The following XRCC5 variants were observed in gnomAD, a reference collection of about 807,000 sequenced individuals.
The protein encoded by XRCC5 is X-ray repair cross complementing 5.
XRCC5 carries 12 observed loss-of-function variants against 95.7 expected under a neutral mutation model. The observed-to-expected ratio is 0.13, with a 90% CI of 0.08 to 0.20. The LOEUF (loss-of-function observed/expected upper bound fraction) is 0.20. XRCC5 is among the 10% of genes least tolerant of loss of function. XRCC5 has a pLI of 1.00. For missense variants in XRCC5, 595 were observed against 873.9 expected (o/e 0.68, Z 4.02); for synonymous variants, 281 against 290.3 (o/e 0.97, Z 0.33).
intron 19 of XRCC5, among the ~76,000 whole-genome samples, chr2:216,200,716 G>T (rs933016771): frequency 6.6e-6 from 1 of 152,096 alleles, no homozygotes; most frequent in African/African-American, 2.4e-5. Context: ...CCACTATTCT[G>T]ACTTCTGTCA....
At chr2:216,177,610 A>C (rs1689303164) in intron 16 of XRCC5, among the ~76,000 whole-genome samples, 1 of 152,226 alleles carries the variant, frequency 6.6e-6, no homozygotes, top group South Asian at 2.1e-4. Context: ...CAGAAAGGCG[A>C]TTAATTGTGA....
chr2:216,162,181 C>T (rs1051621776), intron 16 of XRCC5, 133 bp downstream of exon 16: 4 of 844,624 alleles, frequency 4.7e-6, no homozygotes, highest in Admixed American at 2.2e-5. Context: ...TGTGGTTTTC[C>T]CTTGTTAGGG....
chr2:216,188,161 A>G (rs998242146), intron 16 of XRCC5, among the ~76,000 whole-genome samples: 1 of 152,114 alleles, frequency 6.6e-6, no homozygotes, highest in Non-Finnish European at 1.5e-5. Flanking sequence ...ACTTAGGCTA[A>G]TTGTGTTTCC....
At chr2:216,125,581 A>G (rs1696888401) in intron 6 of XRCC5, among the ~76,000 whole-genome samples, 1 of 152,156 alleles carries the variant, frequency 6.6e-6, no homozygotes, top group Admixed American at 6.5e-5. Flanking sequence ...TCATTCATGA[A>G]TGTGCTTTTA....
At chr2:216,131,954 G>A (rs192105900) in intron 9 of XRCC5, among the ~76,000 whole-genome samples, 6 of 152,268 alleles carry the variant, frequency 3.9e-5, no homozygotes, top group African/African-American at 9.6e-5. Context: ...AGGTGTCACC[G>A]TTTGCAGAAA....
rs73060308 is a variant in XRCC5 at position 216,183,271 on chromosome 2, A to G, written c.1835-6954A>G. On this transcript the variant is annotated intron_variant, in intron 16 of 20. Transcript: ENST00000392132. ...GTCTGCAGGAATGGATTCTGACAAT[A>G]AAGACCTTGCATTTACTCTGTTCCT... Among the ~76,000 whole-genome samples the G allele has an allele frequency of 2.1e-3, 314 of 152,342 alleles. 1 individual carries two copies. The highest frequency in any genetic ancestry group is 7.0e-3 in the African/African-American group (290 of 41,580).
At chr2:216,194,807 T>C in intron 18 of XRCC5, 112 bp from the exon 19 acceptor site, 2 of 1,027,182 alleles carry the variant, frequency 1.9e-6, no homozygotes, top group Non-Finnish European at 3.0e-6. Context: ...CCTGTCTCTA[T>C]TTAAAAAAAA....
At chr2:216,115,048 A>G (rs1346297887) in intron 2 of XRCC5, among the ~76,000 whole-genome samples, 2 of 152,170 alleles carry the variant, frequency 1.3e-5, no homozygotes, top group Non-Finnish European at 2.9e-5. Flanking sequence ...GGCGCAGGGC[A>G]CTTGATTTTT....
At chr2:216,124,438 G>A (rs967046034) in intron 6 of XRCC5, among the ~76,000 whole-genome samples, 1 of 152,140 alleles carries the variant, frequency 6.6e-6, no homozygotes, top group Non-Finnish European at 1.5e-5. Context: ...TTGGATGCCC[G>A]TCTTTAGAAT....
At chr2:216,122,628 A>G (rs1696830554) in intron 6 of XRCC5, among the ~76,000 whole-genome samples, 2 of 151,938 alleles carry the variant, frequency 1.3e-5, no homozygotes, top group Admixed American at 1.3e-4. Flanking sequence ...TTAATTATAG[A>G]AAGTGGTCTC....
intron 7 of XRCC5, among the ~76,000 whole-genome samples, chr2:216,126,243 T>C (rs998079027): frequency 6.6e-6 from 1 of 152,226 alleles, no homozygotes; most frequent in Non-Finnish European, 1.5e-5. Context: ...AGAGTTTGAT[T>C]TCCTCCTCTT....
chr2:216,139,351 G>C (rs1697138167), intron 12 of XRCC5, among the ~76,000 whole-genome samples: 2 of 152,100 alleles, frequency 1.3e-5, no homozygotes, highest in Non-Finnish European at 2.9e-5. Flanking sequence ...TCAGAATCTT[G>C]GTGGGAGGCG....
At chr2:216,155,686 G>A (rs1688828079) in intron 14 of XRCC5, among the ~76,000 whole-genome samples, 1 of 152,086 alleles carries the variant, frequency 6.6e-6, no homozygotes, top group Admixed American at 6.6e-5. Flanking sequence ...ACCACTGAAG[G>A]AAAATTAAGA....
chr2:216,110,628 A>C (rs1477657422), intron 1 of XRCC5: 2 of 152,202 alleles, frequency 1.3e-5, no homozygotes, highest in Non-Finnish European at 2.9e-5. Context: ...AGGAACTCAG[A>C]AATATAGACC....
chr2:216,115,820 T>A (rs952356846), intron 2 of XRCC5, among the ~76,000 whole-genome samples: 101 of 152,230 alleles, frequency 6.6e-4, no homozygotes, highest in African/African-American at 2.2e-3. Context: ...ATTTTTTTTT[T>A]AATAAAGTGT....
intron 19 of XRCC5, among the ~76,000 whole-genome samples, chr2:216,197,013 G>A (rs1290798602): frequency 1.3e-5 from 2 of 152,188 alleles, no homozygotes; most frequent in Non-Finnish European, 2.9e-5. Flanking sequence ...TTTGGAAGAA[G>A]TGAGGAGCCA....
intron 9 of XRCC5, among the ~76,000 whole-genome samples, chr2:216,132,088 G>A (rs1357167707): frequency 6.6e-6 from 1 of 152,148 alleles, no homozygotes; most frequent in East Asian, 1.9e-4. Flanking sequence ...AGCTCCTCAA[G>A]GGCAAGATTA....
At chr2:216,187,856 CTCT>C (rs1307300746) in intron 16 of XRCC5, among the ~76,000 whole-genome samples, 36 of 135,956 alleles carry the variant, frequency 2.6e-4, no homozygotes, top group African/African-American at 4.0e-4. Context: ...CTCTCTCTCT[CTCT>C]CTCCCCGTCT....
chr2:216,172,373 C>T (rs1051927891), intron 16 of XRCC5, among the ~76,000 whole-genome samples: 1 of 151,894 alleles, frequency 6.6e-6, no homozygotes, highest in African/African-American at 2.4e-5. Context: ...AAATAGAATA[C>T]TCGGATACAC....
Sources: allele counts gnomAD v4.1 joint callset (sites outside exome capture counted in the v4.1 genomes callset), GRCh38; gene constraint gnomAD v4.1.1; transcripts MANE v1.5; gene names NCBI Gene and HGNC (gene_info 2026-07-23, HGNC 2026-07-21).